The following SEZ6 variants were observed in gnomAD, a reference collection of about 807,000 sequenced individuals.
SEZ6 encodes seizure related 6 homolog.
A neutral mutation model predicts 101.0 loss-of-function variants in SEZ6; 53 were observed. That is an observed-to-expected ratio of 0.52 (90% CI 0.42 to 0.66). The LOEUF is 0.66. Ranked by LOEUF, SEZ6 falls within the 30% of genes least tolerant of loss-of-function variation. The probability of loss-of-function intolerance (pLI) is 0.00; values close to 1 mark genes in which losing one functional copy is unlikely to be tolerated. For synonymous variants in SEZ6, 488 were observed against 512.2 expected (o/e 0.95, Z 0.64); for missense variants, 1,102 against 1,289.4 (o/e 0.85, Z 2.23).
chr17:28,986,905 C>G (rs1222862705), intron 1 of SEZ6, among the ~76,000 whole-genome samples: 1 of 152,240 alleles, frequency 6.6e-6, no homozygotes, highest in African/African-American at 2.4e-5. Context: ...CTGTCTGTCA[C>G]TCTGGCAGCC....
rs369053672 is a variant in SEZ6 at position 28,980,764 on chromosome 17, A to C, written c.724+607T>G. ...GGTGATCCACCTGCCTCGGCCTCCC[A>C]AAGTGCTGGGATTACAGGCATGAGC... is the stretch of plus-strand genomic sequence containing the variant. On this transcript the variant is annotated intron_variant, in intron 2 of 16. Transcript: ENST00000317338. Among the ~76,000 whole-genome samples, 409 of 152,298 alleles carry C rather than the reference A, an allele frequency of 2.7e-3. 2 individuals are homozygous for C. Among genetic ancestry groups the C allele is most frequent in the African/African-American group, 9.3e-3 (387 of 41,560 alleles).
chr17:28,965,704 C>T (rs1211108643), intron 4 of SEZ6, among the ~76,000 whole-genome samples: 1 of 152,104 alleles, frequency 6.6e-6, no homozygotes, highest in Non-Finnish European at 1.5e-5. Context: ...GCACTGCCTT[C>T]ATGGAAGTTG....
rs935553021 is a variant in SEZ6, at chr17:28,955,845, C to G, written c.*117G>C. 2 of 1,190,986 alleles carry G rather than the reference C, an allele frequency of 1.7e-6. No individual in the cohort carries two copies. Among genetic ancestry groups the G allele is most frequent in the Admixed American group, 4.0e-5 (2 of 50,548 alleles). 73.8% of individuals were successfully genotyped at this position (1,190,986 alleles called of 1,614,324 possible). ...CTTCTTGAGGGCTTGGTGGCATCTC[C>G]TCCTAGGTGGTATATACAGGAGGTG... On this transcript the variant is annotated 3_prime_UTR_variant, in exon 17 of 17. Coordinates refer to ENST00000317338, the MANE Select transcript of SEZ6 (RefSeq NM_178860.5).
At chr17:28,998,349 G>A (rs2041570627) in intron 1 of SEZ6, among the ~76,000 whole-genome samples, 2 of 151,808 alleles carry the variant, frequency 1.3e-5, no homozygotes, top group African/African-American at 4.8e-5. Flanking sequence ...GTTGAGAGGG[G>A]GGATGGAGAG....
chr17:28,964,098 C>T lies in SEZ6; in HGVS notation c.1104G>A (p.Val368=). 2 of 1,605,052 alleles carry T rather than the reference C, an allele frequency of 1.2e-6. No homozygotes were observed. The highest frequency in any genetic ancestry group is 1.3e-5 in the African/African-American group (1 of 74,880). The change falls in exon 5 of 17, where the codon GTG becomes GTA. Residue 368 remains valine (V), a synonymous_variant. Transcript: ENST00000317338. ...CCCCTGGGTGGAGGCTGGTGACAGT[C>T]ACATCTCCATAAGCTGGACGACGGG... ...HFPRRPAYGD[V]TVTSLHPGGS... is the part of the protein sequence containing the mutation.
chr17:28,980,365 C>A (rs569332876), intron 2 of SEZ6, among the ~76,000 whole-genome samples: 1 of 150,142 alleles, frequency 6.7e-6, no homozygotes, highest in South Asian at 2.2e-4. Context: ...CACCACCATG[C>A]CTGGCTATTT....
In SEZ6 at chr17:28,954,913, T is replaced by C. The variant is rs970497721; in HGVS notation, c.*1049A>G. ...ATTCACCTGGCCATTGCTTTTTTTT[T>C]TTTTTTTTTTTTTTTTTCCAAAAAC... On this transcript the variant is annotated 3_prime_UTR_variant, in exon 17 of 17. Coordinates refer to ENST00000317338, the MANE Select transcript of SEZ6 (RefSeq NM_178860.5). The C allele has an allele frequency of 2.2e-3, 332 of 149,016 alleles. No homozygotes were observed. Among genetic ancestry groups the C allele is most frequent in the African/African-American group, 8.0e-3 (319 of 40,098 alleles). The allele number at this position is 149,016 out of a possible 1,614,324, so 9.2% of individuals were successfully genotyped here.
Position 28,956,483 on chromosome 17 carries a change from G to T in SEZ6, c.2732-16C>A, listed in dbSNP as rs2040880901. The T allele has an allele frequency of 3.2e-6, 5 of 1,547,292 alleles. No individual in the cohort carries two copies. Among genetic ancestry groups the T allele is most frequent in the Non-Finnish European group, 4.4e-6 (5 of 1,145,882 alleles). The stretch of plus-strand genomic sequence containing the variant: ...GCCTTGGCAACTGAAGACACAGAGG[G>T]TGTGACTGGAGCAGAGGTCTCTGTC... On this transcript the variant is annotated splice_polypyrimidine_tract_variant and intron_variant, in intron 14 of 16. Transcript: ENST00000317338.
intron 4 of SEZ6, among the ~76,000 whole-genome samples, chr17:28,964,564 C>A (rs533867835): frequency 6.6e-6 from 1 of 152,266 alleles, no homozygotes; most frequent in South Asian, 2.1e-4. Flanking sequence ...TCAGGAAATG[C>A]TTATTGAATG....
intron 4 of SEZ6, among the ~76,000 whole-genome samples, chr17:28,965,229 G>A (rs959581476): frequency 1.3e-5 from 2 of 152,040 alleles, no homozygotes; most frequent in Admixed American, 1.3e-4. Context: ...GCAGGCGCCT[G>A]TAATCCCAGC....
intron 5 of SEZ6, among the ~76,000 whole-genome samples, chr17:28,963,017 G>T (rs751256632): frequency 2.0e-5 from 3 of 151,654 alleles, no homozygotes; most frequent in Non-Finnish European, 4.4e-5. Context: ...CCAGCTACTC[G>T]GGAGGCTGAG....
intron 1 of SEZ6, among the ~76,000 whole-genome samples, chr17:28,991,307 C>T (rs533157808): frequency 3.3e-5 from 5 of 152,128 alleles, no homozygotes; most frequent in East Asian, 1.9e-4. Flanking sequence ...TGGGTTCAAG[C>T]GATTCTCCTG....
rs2041668867 is a variant in SEZ6, at chr17:29,005,088, TG to T, written c.55+726del. Reference sequence around the variant, plus strand: ...AGAGCTCGGGGCAGTGGTGTGTGTGTGTGTGTGTGTGTGTGTGTGTGTGTGT... The same window carrying T: ...AGAGCTCGGGGCAGTGGTGTGTGTGTTGTGTGTGTGTGTGTGTGTGTGTGT... On this transcript the variant is annotated intron_variant, in intron 1 of 16. Transcript: ENST00000317338. This position sits in a 1 kb window ranked among gnomAD's most constrained non-coding sequence, Gnocchi z 4.8. Among the ~76,000 whole-genome samples the T allele has an allele frequency of 2.7e-5, 4 of 149,104 alleles. No individual in the cohort carries two copies. Among genetic ancestry groups the T allele is most frequent in the Non-Finnish European group, 4.4e-5 (3 of 67,588 alleles).
At chr17:28,972,588 C>A (rs531460583) in intron 3 of SEZ6, among the ~76,000 whole-genome samples, 1 of 152,332 alleles carries the variant, frequency 6.6e-6, no homozygotes, top group East Asian at 1.9e-4. Flanking sequence ...AAACTCTCCA[C>A]CCAGGCACGT....
At chr17:28,995,629 C>CA (rs1024525050) in intron 1 of SEZ6, among the ~76,000 whole-genome samples, 1 of 152,144 alleles carries the variant, frequency 6.6e-6, no homozygotes, top group Non-Finnish European at 1.5e-5. Context: ...GATGCAGGAA[C>CA]AAAAGACTTT....
chr17:28,974,214 CTT>C (rs2041190576), intron 3 of SEZ6, among the ~76,000 whole-genome samples: 1 of 152,196 alleles, frequency 6.6e-6, no homozygotes, highest in Admixed American at 6.5e-5. Context: ...AAAGATGACT[CTT>C]GTGTGCGATC....
intron 1 of SEZ6, among the ~76,000 whole-genome samples, chr17:28,991,447 C>A (rs943617736): frequency 2.6e-5 from 4 of 152,212 alleles, no homozygotes; most frequent in African/African-American, 9.6e-5. Flanking sequence ...CTCAGGTGAT[C>A]GGCCTGCCTC....
intron 1 of SEZ6, among the ~76,000 whole-genome samples, chr17:28,995,194 G>A (rs556046513): frequency 6.6e-6 from 1 of 152,296 alleles, no homozygotes; most frequent in East Asian, 1.9e-4. Flanking sequence ...TTTCTTTTGA[G>A]TGTGCTGGAG....
intron 1 of SEZ6, among the ~76,000 whole-genome samples, chr17:29,000,835 G>A (rs538653256): frequency 6.6e-6 from 1 of 152,112 alleles, no homozygotes; most frequent in Non-Finnish European, 1.5e-5. Flanking sequence ...GTTATAGGGG[G>A]GGTGGTCAGG....
Sources: gnomAD v4.1 joint callset for allele counts (sites outside exome capture counted in the v4.1 genomes callset) on GRCh38, gnomAD v4.1.1 for gene constraint, Gnocchi (gnomAD v3.1) non-coding constraint, MANE v1.5 for transcripts, NCBI Gene and HGNC (gene_info 2026-07-23, HGNC 2026-07-21) for gene names.